Variants in MAST2 observed in about 807,000 individuals in gnomAD.
The protein encoded by MAST2 is microtubule associated serine/threonine kinase 2.
Under a neutral mutation model 147.4 loss-of-function variants are expected in MAST2, and 70 were observed. The observed-to-expected ratio is 0.47, with a 90% CI of 0.39 to 0.58. The LOEUF is 0.58. MAST2 is among the 20% of genes least tolerant of loss of function. The pLI is 0.00. For missense variants in MAST2, 2,080 were observed against 2,302.3 expected, an observed-to-expected ratio of 0.90 and a Z score of 1.98; for synonymous variants, 869 against 896.8, an observed-to-expected ratio of 0.97 and a Z score of 0.55.
chr1:46,012,506 TA>T (rs1177174674), intron 10 of MAST2, among the ~76,000 whole-genome samples: 1 of 152,204 alleles, frequency 6.6e-6, no homozygotes, highest in African/African-American at 2.4e-5. Flanking sequence ...ATGTACTTAA[TA>T]AAAATAAGTT....
intron 5 of MAST2, among the ~76,000 whole-genome samples, chr1:45,963,710 G>A (rs1447304079): frequency 6.6e-6 from 1 of 152,180 alleles, no homozygotes; most frequent in African/African-American, 2.4e-5. Context: ...TCTGCAAACA[G>A]GGACAATTTG....
chr1:45,931,229 CT>C (rs1388551371), intron 4 of MAST2, among the ~76,000 whole-genome samples: 1 of 152,144 alleles, frequency 6.6e-6, no homozygotes, highest in Non-Finnish European at 1.5e-5. Context: ...ATTTCCTCAA[CT>C]TTTATAACCT....
chr1:46,030,477 C>A, intron 21 of MAST2, 130 bp from the exon 22 acceptor site: 1 of 1,095,754 alleles, frequency 9.1e-7, no homozygotes, highest in South Asian at 1.5e-5. Context: ...AAATATTCAG[C>A]AGGGGTGTGT....
rs376703501 is a variant in MAST2 at position 45,896,676 on chromosome 1, C to T, written c.500+14281C>T. 1.2e-4 allele frequency among the ~76,000 whole-genome samples: 18 copies of T among 152,250 alleles called. No homozygotes were observed. The East Asian group carries it at 3.3e-3, about 28-fold the overall frequency. ...GGCCTGCCCCTGAGGCCTAACGCAG[C>T]CAACATTCTAACAAAAGACTGTAAC... is the stretch of plus-strand genomic sequence containing the variant. On this transcript the variant is annotated intron_variant, in intron 4 of 28. Coordinates refer to ENST00000361297, the MANE Select transcript of MAST2 (RefSeq NM_015112.3).
intron 1 of MAST2, among the ~76,000 whole-genome samples, chr1:45,805,838 C>G (rs1489911451): frequency 6.6e-6 from 1 of 152,164 alleles, no homozygotes; most frequent in Non-Finnish European, 1.5e-5. Context: ...AACATAATTT[C>G]CCTGAATTGT....
intron 3 of MAST2, among the ~76,000 whole-genome samples, chr1:45,853,511 G>A (rs1645689335): frequency 6.6e-6 from 1 of 151,446 alleles, no homozygotes; most frequent in East Asian, 2.0e-4. Context: ...GTACCATCAC[G>A]CCTGTGTAAT....
At chr1:45,923,296 G>A (rs370439929) in intron 4 of MAST2, among the ~76,000 whole-genome samples, 12 of 152,186 alleles carry the variant, frequency 7.9e-5, no homozygotes, top group African/African-American at 1.4e-4. Flanking sequence ...CGGAAGACCC[G>A]TGTCCTGCAT....
rs9429089 is a variant in MAST2 at position 46,035,927 on chromosome 1, G to A, written c.5258G>A (p.Arg1753Lys). ...CAAGTGCCTGATGCCTCAGGTGACA[G>A]AAGGCAGGACGTTCCATGCCGAGGC... is the stretch of plus-strand genomic sequence containing the variant. The part of the protein sequence containing the change: ...ITQVPDASGD[R>K]RQDVPCRGCP... The change falls in exon 29 of 29, where the codon AGA becomes AAA. Residue 1753 changes from arginine to lysine, a missense_variant. Physicochemically the swap from Arg to Lys is conservative, Grantham distance 26 (BLOSUM62 2). Transcript: ENST00000361297. The surrounding 1 kb of genome is among the most constrained non-coding windows in gnomAD (Gnocchi z 5.5). The A allele has an allele frequency of 2.7e-4, 440 of 1,614,056 alleles. 5 individuals are homozygous for A. In the African/African-American group the frequency reaches 5.1e-3, roughly 19 times the overall value.
At chr1:45,911,313 A>G (rs1293864550) in intron 4 of MAST2, among the ~76,000 whole-genome samples, 1 of 152,242 alleles carries the variant, frequency 6.6e-6, no homozygotes, top group Non-Finnish European at 1.5e-5. Flanking sequence ...TTGGTCAGAT[A>G]AAGGATGTAA....
intron 4 of MAST2, among the ~76,000 whole-genome samples, chr1:45,943,939 T>A (rs966057379): frequency 1.3e-5 from 2 of 152,288 alleles, no homozygotes; most frequent in South Asian, 4.1e-4. Context: ...ATGTTTAAGG[T>A]AGGGGTGTTC....
intron 4 of MAST2, among the ~76,000 whole-genome samples, chr1:45,941,687 T>TGTTTTTA (rs1657310916): frequency 6.6e-6 from 1 of 151,186 alleles, no homozygotes; most frequent in Non-Finnish European, 1.5e-5. Flanking sequence ...TTTTGTTTTT[T>TGTTTTTA]TATTTGTTTA....
intron 5 of MAST2, among the ~76,000 whole-genome samples, chr1:45,986,999 A>G (rs1644651297): frequency 6.6e-6 from 1 of 152,096 alleles, no homozygotes; most frequent in South Asian, 2.1e-4. Context: ...AAGCCTCTGA[A>G]CCTAGAATTT....
At chr1:45,948,087 C>G (rs189510252) in intron 4 of MAST2, among the ~76,000 whole-genome samples, 145 of 152,302 alleles carry the variant, frequency 9.5e-4, no homozygotes, top group African/African-American at 3.2e-3. Flanking sequence ...TAGCAGAAAG[C>G]ACTAGCATTC....
Position 46,035,952 on chromosome 1 carries a change from C to G in MAST2, c.5283C>G (p.Gly1761=). The G allele has an allele frequency of 6.2e-7, 1 of 1,613,988 alleles. No individual in the cohort carries two copies. Among genetic ancestry groups the G allele is most frequent in the Non-Finnish European group, 8.5e-7 (1 of 1,180,024 alleles). ...GAAGGCAGGACGTTCCATGCCGAGG[C>G]TGCCCCCTCACCCAGAAGTCTGAGC... The part of the protein sequence containing the change: ...GDRRQDVPCR[G]CPLTQKSEPS... Residue 1761 remains glycine, a synonymous_variant, in exon 29 of 29, where the codon GGC becomes GGG. Coordinates refer to ENST00000361297, the MANE Select transcript of MAST2 (RefSeq NM_015112.3). This position sits in a 1 kb window ranked among gnomAD's most constrained non-coding sequence, Gnocchi z 5.5.
chr1:45,973,604 A>G (rs1644013660), intron 5 of MAST2, among the ~76,000 whole-genome samples: 2 of 152,354 alleles, frequency 1.3e-5, no homozygotes, highest in Middle Eastern at 3.4e-3. Flanking sequence ...TCTAGATGTC[A>G]TCACCTAGGG....
chr1:45,967,523 T>A (rs1255268881), intron 5 of MAST2, among the ~76,000 whole-genome samples: 2 of 152,104 alleles, frequency 1.3e-5, no homozygotes, highest in African/African-American at 4.8e-5. Flanking sequence ...GAAAAGAAAA[T>A]TTGTTAAGAA....
At chr1:46,003,169 CA>C (rs904743891) in intron 7 of MAST2, among the ~76,000 whole-genome samples, 2 of 152,142 alleles carry the variant, frequency 1.3e-5, no homozygotes, top group African/African-American at 4.8e-5. Context: ...ACAGTGAGAC[CA>C]GATATGGGGA....
intron 4 of MAST2, among the ~76,000 whole-genome samples, chr1:45,933,633 A>G (rs1204952092): frequency 1.3e-5 from 2 of 151,752 alleles, no homozygotes; most frequent in Non-Finnish European, 2.9e-5. Flanking sequence ...GGGCACCTGT[A>G]ATCCCAGCTA....
At chr1:45,964,314 T>G (rs1185724421) in intron 5 of MAST2, among the ~76,000 whole-genome samples, 1 of 152,228 alleles carries the variant, frequency 6.6e-6, no homozygotes, top group African/African-American at 2.4e-5. Flanking sequence ...CTTGTACCTC[T>G]GGTAGAATTC....
Sources: gnomAD v4.1 joint callset for allele counts (sites outside exome capture counted in the v4.1 genomes callset) on GRCh38, gnomAD v4.1.1 for gene constraint, Gnocchi (gnomAD v3.1) non-coding constraint, MANE v1.5 for transcripts, NCBI Gene and HGNC (gene_info 2026-07-23, HGNC 2026-07-21) for gene names.